The following OLFM2 variants were observed in gnomAD, a reference collection of about 807,000 sequenced individuals.
The protein encoded by OLFM2 is noelin-2.
Under a neutral mutation model 43.9 loss-of-function variants are expected in OLFM2, and 20 were observed. The ratio of observed to expected loss-of-function variants is 0.46; its 90% CI spans 0.32 to 0.66. The LOEUF (loss-of-function observed/expected upper bound fraction) is 0.66, where lower values mean the gene tolerates loss of function less well. Ranked by LOEUF, OLFM2 falls within the 30% of genes least tolerant of loss-of-function variation. OLFM2 has a pLI of 0.04. For missense variants in OLFM2, 416 were observed against 643.6 expected (o/e 0.65, Z 3.83); for synonymous variants, 268 against 278.6 (o/e 0.96, Z 0.38).
At chr19:9,922,479 A>C (rs897581472) in intron 1 of OLFM2, among the ~76,000 whole-genome samples, 1 of 152,090 alleles carries the variant, frequency 6.6e-6, no homozygotes, top group Non-Finnish European at 1.5e-5. Context: ...CCAGCACTTT[A>C]GGAAGCTAAG....
chr19:9,895,083 C>CTG, intron 1 of OLFM2, among the ~76,000 whole-genome samples: 1 of 152,256 alleles, frequency 6.6e-6, no homozygotes, highest in Middle Eastern at 3.4e-3. Flanking sequence ...TCCTCACCCT[C>CTG]ATTTTACTCC....
intron 1 of OLFM2, among the ~76,000 whole-genome samples, chr19:9,889,933 T>TA (rs398120813): frequency 2.0e-5 from 3 of 150,540 alleles, no homozygotes; most frequent in Non-Finnish European, 4.4e-5. Context: ...TTTTTTTTTT[T>TA]ATATCTGCCT....
chr19:9,933,552 CTTT>C (rs34411076), intron 1 of OLFM2, among the ~76,000 whole-genome samples: 7 of 79,036 alleles, frequency 8.9e-5, no homozygotes, highest in South Asian at 4.5e-4. Context: ...TCACTCTAAT[CTTT>C]TTTTTTTTTT....
intron 1 of OLFM2, among the ~76,000 whole-genome samples, chr19:9,863,435 C>T (rs1255876149): frequency 6.6e-6 from 1 of 151,752 alleles, no homozygotes; most frequent in Non-Finnish European, 1.5e-5. Context: ...GAGGCCAGGG[C>T]AGGGGTGACT....
Position 9,860,668 on chromosome 19 carries a change from C to G in OLFM2, c.190G>C (p.Glu64Gln). The G allele has an allele frequency of 6.3e-7, 1 of 1,593,308 alleles. No individual in the cohort carries two copies. The highest frequency in any genetic ancestry group is 8.6e-7 in the Non-Finnish European group (1 of 1,169,426). ...STCSRDGRSR[E>Q]LRQLMEKVQN... ...ACCTTCTCCATCAGTTGCCGCAGCT[C>G]CCGACTCCTGCCATCTCGAGAGCAG... Residue 64 changes from glutamate to glutamine, a missense_variant, in exon 2 of 6, where the codon GAG (glutamate) becomes CAG (glutamine). Glu to Gln is a conservative substitution (Grantham distance 29). Coordinates refer to ENST00000264833, the MANE Select transcript of OLFM2 (RefSeq NM_058164.4).
rs765662180 is a variant in OLFM2, at chr19:9,854,515, C to T, written c.1036G>A (p.Val346Met). The T allele has an allele frequency of 1.2e-5, 19 of 1,613,688 alleles. No homozygotes were observed. The highest frequency in any genetic ancestry group is 2.7e-5 in the African/African-American group (2 of 74,904). ...GTGTGCGGGTCCAGCCGGCTGACCA[C>T]GATGTTGCCCGCGTTCTGGTTGGTG... ...YTTNQNAGNI[V>M]VSRLDPHTLE... Residue 346 changes from valine (V) to methionine (M), a missense_variant, in exon 6 of 6, where the codon GTG becomes ATG. Coordinates refer to ENST00000264833, the MANE Select transcript of OLFM2 (RefSeq NM_058164.4). This position sits in a 1 kb window ranked among gnomAD's most constrained non-coding sequence, Gnocchi z 9.5.
chr19:9,864,610 A>AT (rs1350782285), intron 1 of OLFM2, among the ~76,000 whole-genome samples: 9 of 150,596 alleles, frequency 6.0e-5, no homozygotes, highest in African/African-American at 2.2e-4. Context: ...ACATTTATTT[A>AT]TTTTTTTAAG....
At chr19:9,892,201 T>C (rs912319634) in intron 1 of OLFM2, among the ~76,000 whole-genome samples, 1 of 152,128 alleles carries the variant, frequency 6.6e-6, no homozygotes, top group Admixed American at 6.6e-5. Flanking sequence ...TGGGTTGGTG[T>C]GACTGTGTGT....
intron 1 of OLFM2, among the ~76,000 whole-genome samples, chr19:9,926,553 A>T (rs1441756956): frequency 6.6e-6 from 1 of 151,364 alleles, no homozygotes; most frequent in Non-Finnish European, 1.5e-5. Context: ...CTCCATCTCA[A>T]AAATAAATAA....
chr19:9,913,627 G>C (rs1439557892), intron 1 of OLFM2: 34 of 1,288,760 alleles, frequency 2.6e-5, no homozygotes, highest in Non-Finnish European at 3.4e-5. Flanking sequence ...TCGCGCCTCC[G>C]CCTCATGCCC....
At chr19:9,905,730 C>T (rs2046780605) in intron 1 of OLFM2, among the ~76,000 whole-genome samples, 1 of 152,114 alleles carries the variant, frequency 6.6e-6, no homozygotes, top group South Asian at 2.1e-4. Context: ...GATCCTTGTC[C>T]TGTCTCTGCT....
chr19:9,888,894 G>A (rs562650847), intron 1 of OLFM2, among the ~76,000 whole-genome samples: 6 of 151,992 alleles, frequency 3.9e-5, no homozygotes, highest in South Asian at 4.2e-4. Context: ...GTGAAACCCC[G>A]TCTCTACTAA....
In OLFM2 at chr19:9,857,986, C is replaced by T. The variant is rs1480721423; in HGVS notation, c.214-125G>A. The T allele has an allele frequency of 1.3e-5, 16 of 1,187,548 alleles. No homozygotes were observed. The highest frequency in any genetic ancestry group is 1.8e-5 in the Non-Finnish European group (15 of 816,930). 73.6% of individuals were successfully genotyped at this position (1,187,548 alleles called of 1,614,324 possible). On this transcript the variant is annotated intron_variant, in intron 2 of 5. Transcript: ENST00000264833. This position sits in a 1 kb window ranked among gnomAD's most constrained non-coding sequence, Gnocchi z 5.7. ...ACCACACCGACGAGGCCACCTTCTC[C>T]TCCCCTGAGCTTACCAGCAGCCTCC... is the stretch of plus-strand genomic sequence containing the variant.
intron 2 of OLFM2, chr19:9,858,237 C>CT (rs2046339152): frequency 2.8e-6 from 1 of 352,170 alleles, no homozygotes; most frequent in South Asian, 2.3e-5. Context: ...CCACCCCCCC[C>CT]GCCCAACCCA....
intron 1 of OLFM2, among the ~76,000 whole-genome samples, chr19:9,883,682 C>A (rs977240714): frequency 3.3e-5 from 5 of 152,140 alleles, no homozygotes; most frequent in Non-Finnish European, 7.3e-5. Flanking sequence ...CCCGGCTGAG[C>A]ACGCACTTCA....
At chr19:9,934,059 G>C (rs188292886) in intron 1 of OLFM2, among the ~76,000 whole-genome samples, 28 of 152,202 alleles carry the variant, frequency 1.8e-4, no homozygotes, top group African/African-American at 6.5e-4. Context: ...TTCATTGAAT[G>C]GATTAACCAA....
intron 1 of OLFM2, among the ~76,000 whole-genome samples, chr19:9,875,637 C>A (rs1015615926): frequency 2.0e-5 from 3 of 146,706 alleles, no homozygotes. Flanking sequence ...ACCACAGGCA[C>A]TTACCAGCAC....
intron 1 of OLFM2, among the ~76,000 whole-genome samples, chr19:9,905,566 G>A (rs568769178): frequency 6.6e-6 from 1 of 151,740 alleles, no homozygotes; most frequent in Admixed American, 6.6e-5. Flanking sequence ...ACTGGAACCC[G>A]GGAGGTGGAG....
At chr19:9,901,456 A>G (rs766027170) in intron 1 of OLFM2, among the ~76,000 whole-genome samples, 2 of 151,920 alleles carry the variant, frequency 1.3e-5, no homozygotes, top group Admixed American at 6.6e-5. Context: ...ACAAACAAAC[A>G]AAAAACATAA....
Sources: gnomAD v4.1 joint callset for allele counts (sites outside exome capture counted in the v4.1 genomes callset) on GRCh38, gnomAD v4.1.1 for gene constraint, Gnocchi (gnomAD v3.1) non-coding constraint, MANE v1.5 for transcripts, NCBI Gene and HGNC (gene_info 2026-07-23, HGNC 2026-07-21) for gene names.